Variants in CDH18 observed in about 807,000 individuals in gnomAD.
The protein encoded by CDH18 is cadherin-18.
Under a neutral mutation model 67.9 loss-of-function variants are expected in CDH18, and 31 were observed. The ratio of observed to expected loss-of-function variants is 0.46; its 90% CI spans 0.34 to 0.62. The LOEUF is 0.62. Among genes scored for constraint, CDH18 ranks in the 20% least tolerant of loss-of-function variants. The pLI, the probability that CDH18 is intolerant of heterozygous loss-of-function variation, is 0.01. For missense variants in CDH18, 890 were observed against 975.5 expected (o/e 0.91, Z 1.17); for synonymous variants, 362 against 347.2 (o/e 1.04, Z -0.48).
intron 1 of CDH18, among the ~76,000 whole-genome samples, chr5:20,338,328 G>C (rs1580787164): frequency 6.6e-6 from 1 of 152,168 alleles, no homozygotes; most frequent in Non-Finnish European, 1.5e-5. Context: ...ATGTCTGCCT[G>C]GAAAGAAAGT....
intron 2 of CDH18, among the ~76,000 whole-genome samples, chr5:19,848,616 T>C (rs995479845): frequency 6.6e-6 from 1 of 151,890 alleles, no homozygotes; most frequent in Non-Finnish European, 1.5e-5. Context: ...CTGCAGTGGG[T>C]TGAGAAGTGT....
chr5:20,204,866 G>A (rs1355625904), intron 2 of CDH18, among the ~76,000 whole-genome samples: 1 of 151,318 alleles, frequency 6.6e-6, no homozygotes, highest in Non-Finnish European at 1.5e-5. Flanking sequence ...ACTTGTTTAA[G>A]TTGTTTTTAT....
At chr5:19,599,898 G>A (rs351301) in intron 6 of CDH18, among the ~76,000 whole-genome samples, 108,256 of 151,900 alleles carry the variant, frequency 0.71, 39,224 homozygotes, top group South Asian at 0.8. Context: ...ATAAAAACAA[G>A]ACAAAAACAA....
intron 1 of CDH18, among the ~76,000 whole-genome samples, chr5:20,287,274 A>G (rs776817398): frequency 1.1e-4 from 17 of 151,790 alleles, no homozygotes; most frequent in Non-Finnish European, 1.8e-4. Flanking sequence ...TCCAGAATCA[A>G]TGGTCTAATC....
intron 2 of CDH18, among the ~76,000 whole-genome samples, chr5:20,004,863 A>G (rs1480346653): frequency 1.3e-5 from 2 of 152,194 alleles, no homozygotes; most frequent in Non-Finnish European, 2.9e-5. Context: ...AGGAGTTCCA[A>G]ATAACAGAGA....
chr5:19,529,168 AC>A (rs1285742220), intron 9 of CDH18, among the ~76,000 whole-genome samples: 1 of 152,008 alleles, frequency 6.6e-6, no homozygotes, highest in Non-Finnish European at 1.5e-5. Context: ...ATTCATTATG[AC>A]CAAGTGAGGG....
At chr5:19,613,463 G>A (rs1235702848) in intron 5 of CDH18, among the ~76,000 whole-genome samples, 1 of 152,040 alleles carries the variant, frequency 6.6e-6, no homozygotes, top group Non-Finnish European at 1.5e-5. Context: ...ACTTTAAGGA[G>A]AACTAGATCT....
chr5:20,481,062 A>C (rs1168339941), intron 1 of CDH18, among the ~76,000 whole-genome samples: 1 of 152,136 alleles, frequency 6.6e-6, no homozygotes. Context: ...GCCAGGAAAA[A>C]AAAAGCAAGA....
intron 3 of CDH18, among the ~76,000 whole-genome samples, chr5:19,803,190 A>G (rs185819090): frequency 9.6e-4 from 147 of 152,332 alleles, no homozygotes; most frequent in African/African-American, 3.3e-3. Flanking sequence ...TCTGAAACCA[A>G]GATGAAGTGA....
chr5:19,562,920 C>T (rs1739704615), intron 8 of CDH18, among the ~76,000 whole-genome samples: 1 of 152,068 alleles, frequency 6.6e-6, no homozygotes, highest in Non-Finnish European at 1.5e-5. Context: ...TTTTTTTATA[C>T]TAAATCAAGT....
intron 1 of CDH18, among the ~76,000 whole-genome samples, chr5:20,575,267 G>C (rs1759055101): frequency 6.9e-6 from 1 of 145,512 alleles, no homozygotes; most frequent in Non-Finnish European, 1.6e-5. Flanking sequence ...ATCTGTACCT[G>C]GAGATATTTT....
At chr5:20,206,661 T>C (rs1011417527) in intron 2 of CDH18, among the ~76,000 whole-genome samples, 3 of 151,886 alleles carry the variant, frequency 2.0e-5, no homozygotes, top group African/African-American at 7.2e-5. Context: ...AGGATAAGTA[T>C]ATATATACAT....
intron 2 of CDH18, among the ~76,000 whole-genome samples, chr5:19,917,410 C>A (rs1791947562): frequency 6.8e-6 from 1 of 147,790 alleles, no homozygotes; most frequent in Non-Finnish European, 1.5e-5. Context: ...TCTTTTAGAA[C>A]AATGGTCCTT....
chr5:20,304,231 A>G, intron 1 of CDH18: 2 of 1,532,178 alleles, frequency 1.3e-6, no homozygotes, highest in Non-Finnish European at 1.8e-6. Context: ...GAATCAGAGC[A>G]TTCAGCAATA....
intron 3 of CDH18, among the ~76,000 whole-genome samples, chr5:19,797,532 A>C (rs1776985869): frequency 6.6e-6 from 1 of 152,036 alleles, no homozygotes. Flanking sequence ...TCAAACACAA[A>C]TCAATACTAA....
intron 1 of CDH18, among the ~76,000 whole-genome samples, chr5:20,353,056 C>T (rs893395734): frequency 1.3e-5 from 2 of 152,144 alleles, no homozygotes; most frequent in African/African-American, 2.4e-5. Flanking sequence ...CTTTTTAATT[C>T]ATTTTTTTTC....
intron 1 of CDH18, among the ~76,000 whole-genome samples, chr5:20,425,764 G>A (rs1230053689): frequency 6.6e-6 from 1 of 151,040 alleles, no homozygotes; most frequent in Non-Finnish European, 1.5e-5. Flanking sequence ...TAAACAATCT[G>A]TCATATTTAG....
chr5:20,405,126 C>G (rs1161241743), intron 1 of CDH18, among the ~76,000 whole-genome samples: 1 of 152,026 alleles, frequency 6.6e-6, no homozygotes, highest in Non-Finnish European at 1.5e-5. Flanking sequence ...CCCACATTGC[C>G]AAGTCAATCC....
At chr5:20,481,935 A>G (rs966478628) in intron 1 of CDH18, among the ~76,000 whole-genome samples, 2 of 152,052 alleles carry the variant, frequency 1.3e-5, no homozygotes, top group Non-Finnish European at 2.9e-5. Context: ...TTAGTAGAAA[A>G]AAAGGAATAA....
Sources: gnomAD v4.1 joint callset for allele counts (sites outside exome capture counted in the v4.1 genomes callset) on GRCh38, gnomAD v4.1.1 for gene constraint, MANE v1.5 for transcripts, NCBI Gene and HGNC (gene_info 2026-07-23, HGNC 2026-07-21) for gene names.